Variants in KIAA1217 observed in about 807,000 individuals in gnomAD.
KIAA1217 encodes the protein KIAA1217.
KIAA1217 carries 88 observed loss-of-function variants against 163.9 expected under a neutral mutation model. The ratio of observed to expected loss-of-function variants is 0.54; its 90% confidence interval spans 0.45 to 0.64. The LOEUF (loss-of-function observed/expected upper bound fraction) is 0.64, where lower values mean the gene tolerates loss of function less well. Ranked by LOEUF, KIAA1217 falls within the 30% of genes least tolerant of loss-of-function variation. The probability of loss-of-function intolerance (pLI) is 0.00; values close to 1 mark genes in which losing one functional copy is unlikely to be tolerated. For missense variants in KIAA1217, 2,372 were observed against 2,475.0 expected (o/e 0.96, Z 0.88); for synonymous variants, 903 against 923.1 (o/e 0.98, Z 0.39).
At chr10:23,719,402 G>A (rs1261579411) in intron 1 of KIAA1217, among the ~76,000 whole-genome samples, 4 of 151,978 alleles carry the variant, frequency 2.6e-5, no homozygotes, top group Admixed American at 1.3e-4. Context: ...GCAACATAGC[G>A]ACACGCTATC....
intron 2 of KIAA1217, among the ~76,000 whole-genome samples, chr10:24,064,292 T>A (rs1414659883): frequency 6.6e-6 from 1 of 152,186 alleles, no homozygotes. Flanking sequence ...CATAGATAGC[T>A]CTTATTATTT....
intron 1 of KIAA1217, among the ~76,000 whole-genome samples, chr10:23,838,734 A>G (rs1376575780): frequency 6.6e-6 from 1 of 152,188 alleles, no homozygotes; most frequent in African/African-American, 2.4e-5. Flanking sequence ...GTGTTGGGAT[A>G]ACAGGCGTGA....
chr10:23,790,535 A>ATATACATATGTATATGTACATATG (rs1835837008), intron 1 of KIAA1217, among the ~76,000 whole-genome samples: 2 of 86,378 alleles, frequency 2.3e-5, no homozygotes, highest in African/African-American at 1.8e-4. Flanking sequence ...ATATATACAT[A>ATATACATATGTATATGTACATATG]TACATGTGCA....
At chr10:24,219,950 C>A in intron 2 of KIAA1217, 41 bp downstream of exon 2, 1 of 1,530,926 alleles carries the variant, frequency 6.5e-7, no homozygotes, top group South Asian at 1.3e-5. Context: ...AGCTCGCTCT[C>A]TAATGAACAT....
At chr10:23,703,403 T>TA (rs1564350725) in intron 1 of KIAA1217, among the ~76,000 whole-genome samples, 1 of 152,146 alleles carries the variant, frequency 6.6e-6, no homozygotes, top group Admixed American at 6.5e-5. Context: ...CCCTGTGGAC[T>TA]AAAAATCTGA....
chr10:23,785,738 G>A (rs1052371105), intron 1 of KIAA1217, among the ~76,000 whole-genome samples: 3 of 143,972 alleles, frequency 2.1e-5, no homozygotes, highest in South Asian at 2.1e-4. Flanking sequence ...TTCATCAAGA[G>A]TAAGGTCATT....
At chr10:24,018,671 A>G (rs1450568843) in intron 2 of KIAA1217, among the ~76,000 whole-genome samples, 2 of 152,090 alleles carry the variant, frequency 1.3e-5, no homozygotes, top group Non-Finnish European at 2.9e-5. Flanking sequence ...AACTAAACTT[A>G]GAACTGCTAT....
At chr10:23,714,747 A>G (rs562209063) in intron 1 of KIAA1217, among the ~76,000 whole-genome samples, 18 of 152,064 alleles carry the variant, frequency 1.2e-4, no homozygotes, top group Non-Finnish European at 2.4e-4. Flanking sequence ...ATACAAAAGG[A>G]GCTGAGAAAC....
At chr10:24,064,674 T>C (rs1455952787) in intron 2 of KIAA1217, among the ~76,000 whole-genome samples, 1 of 152,216 alleles carries the variant, frequency 6.6e-6, no homozygotes, top group African/African-American at 2.4e-5. Flanking sequence ...TTAGGGAAGA[T>C]TCCCTCTTTT....
chr10:24,013,172 G>A (rs1456406430), intron 2 of KIAA1217, among the ~76,000 whole-genome samples: 4 of 151,864 alleles, frequency 2.6e-5, no homozygotes, highest in Non-Finnish European at 4.4e-5. Context: ...TAAAAATGGC[G>A]CCCCTAAGCA....
chr10:23,821,490 C>A (rs1837619566), intron 1 of KIAA1217, among the ~76,000 whole-genome samples: 1 of 152,166 alleles, frequency 6.6e-6, no homozygotes, highest in Non-Finnish European at 1.5e-5. Context: ...AACTCTTCTT[C>A]CTGGGCCATA....
intron 2 of KIAA1217, among the ~76,000 whole-genome samples, chr10:24,031,184 A>T (rs1031402355): frequency 6.6e-6 from 1 of 151,970 alleles, no homozygotes; most frequent in Non-Finnish European, 1.5e-5. Context: ...ATTCCCACCA[A>T]CACTTACTTT....
At chr10:24,381,223 A>G (rs2053254540) in intron 3 of KIAA1217, among the ~76,000 whole-genome samples, 156 bp downstream of exon 3, 1 of 152,210 alleles carries the variant, frequency 6.6e-6, no homozygotes, top group South Asian at 2.1e-4. Flanking sequence ...TCAAGCATTG[A>G]GGATTTGCCT....
intron 1 of KIAA1217, among the ~76,000 whole-genome samples, chr10:23,859,247 T>C (rs1044420955): frequency 2.6e-5 from 4 of 152,232 alleles, no homozygotes; most frequent in Non-Finnish European, 5.9e-5. Context: ...ACCTCTGGAC[T>C]ACACAGTCTC....
At chr10:24,088,680 T>C (rs2061810776) in intron 2 of KIAA1217, among the ~76,000 whole-genome samples, 1 of 124,172 alleles carries the variant, frequency 8.1e-6, no homozygotes, top group Non-Finnish European at 2.0e-5. Context: ...CACATTTTCT[T>C]AATCCAGTCT....
intron 2 of KIAA1217, among the ~76,000 whole-genome samples, chr10:24,065,830 A>T (rs1312132383): frequency 6.6e-6 from 1 of 152,128 alleles, no homozygotes; most frequent in Non-Finnish European, 1.5e-5. Flanking sequence ...GTGCTCCTGT[A>T]TTGGGTGCAT....
chr10:24,071,600 G>T (rs1364006357), intron 2 of KIAA1217, among the ~76,000 whole-genome samples: 1 of 152,156 alleles, frequency 6.6e-6, no homozygotes, highest in African/African-American at 2.4e-5. Context: ...TCACATTTCT[G>T]CTTCAGTGAT....
chr10:23,884,716 A>C (rs1243019792), intron 1 of KIAA1217, among the ~76,000 whole-genome samples: 3 of 151,950 alleles, frequency 2.0e-5, no homozygotes, highest in Non-Finnish European at 4.4e-5. Context: ...TTGCCTCTCT[A>C]ATTATCCTAC....
At chr10:23,971,550 C>G (rs769489221) in intron 1 of KIAA1217, among the ~76,000 whole-genome samples, 7 of 152,170 alleles carry the variant, frequency 4.6e-5, no homozygotes, top group Non-Finnish European at 1.0e-4. Flanking sequence ...TCAGTCATGG[C>G]TGACCAGTAT....
Sources: gnomAD v4.1 joint callset for allele counts (sites outside exome capture counted in the v4.1 genomes callset) on GRCh38, gnomAD v4.1.1 for gene constraint, MANE v1.5 for transcripts, NCBI Gene and HGNC (gene_info 2026-07-23, HGNC 2026-07-21) for gene names.